The following CACNA1C variants were observed in gnomAD, a reference collection of about 807,000 sequenced individuals.
The protein encoded by CACNA1C is voltage-dependent L-type calcium channel subunit alpha-1C.
Under a neutral mutation model 229.0 loss-of-function variants are expected in CACNA1C, and 30 were observed. The observed-to-expected ratio is 0.13, with a 90% CI of 0.10 to 0.18. The LOEUF is 0.18. Ranked by LOEUF, CACNA1C falls within the 10% of genes least tolerant of loss-of-function variation. The pLI is 1.00. For missense variants in CACNA1C, 1,658 were observed against 2,845.0 expected, an observed-to-expected ratio of 0.58 and a Z score of 9.49; for synonymous variants, 1,114 against 1,132.5, an observed-to-expected ratio of 0.98 and a Z score of 0.33.
chr12:2,579,170 G>A (rs2059653505), intron 13 of CACNA1C, among the ~76,000 whole-genome samples: 1 of 152,266 alleles, frequency 6.6e-6, no homozygotes. Flanking sequence ...ATGGCTGTCA[G>A]ACATACCTGG....
intron 3 of CACNA1C, among the ~76,000 whole-genome samples, chr12:2,392,822 C>T (rs2154549076): frequency 6.6e-6 from 1 of 152,250 alleles, no homozygotes; most frequent in East Asian, 1.9e-4. Flanking sequence ...GGGCTGGCCC[C>T]ATCGCACATG....
chr12:2,207,567 T>C (rs1223548995), intron 3 of CACNA1C, among the ~76,000 whole-genome samples: 2 of 152,094 alleles, frequency 1.3e-5, no homozygotes, highest in African/African-American at 4.8e-5. Context: ...CCCAGTATTT[T>C]GGGAGGCTGA....
In CACNA1C at chr12:2,067,140, G is replaced by A. The variant is rs2059547508; in HGVS notation, c.49+13529G>A. 2.0e-5 allele frequency among the ~76,000 whole-genome samples: 3 copies of A among 152,168 alleles called. No individual in the cohort carries two copies. Among genetic ancestry groups the A allele is most frequent in the Admixed American group, 2.0e-4 (3 of 15,282 alleles). ...GCTGCTGACTAGGTCTGGGGGCAAA[G>A]GGTTCTAGCTCTGTAGGAGGCGTGC... On this transcript the variant is annotated intron_variant, in intron 1 of 46. Transcript: ENST00000399655. This position sits in a 1 kb window ranked among gnomAD's most constrained non-coding sequence, Gnocchi z 5.3.
chr12:2,647,530 G>A lies in CACNA1C; in HGVS notation c.3913-945G>A, dbSNP rs929481233. On this transcript the variant is annotated intron_variant, in intron 30 of 46. Transcript: ENST00000399655. This position sits in a 1 kb window ranked among gnomAD's most constrained non-coding sequence, Gnocchi z 4.2. Reference sequence around the variant, plus strand: ...TCATTATTTCATGCCAACGGTCAGGGCTCGCCGCACCTATAGACCAACAGC... The same window carrying A: ...TCATTATTTCATGCCAACGGTCAGGACTCGCCGCACCTATAGACCAACAGC... 6.6e-6 allele frequency among the ~76,000 whole-genome samples: 1 copy of A among 152,180 alleles called. No individual in the cohort carries two copies. The highest frequency in any genetic ancestry group is 2.4e-5 in the African/African-American group (1 of 41,424).
chr12:2,524,176 G>T (rs563642759), intron 9 of CACNA1C, among the ~76,000 whole-genome samples: 3 of 152,360 alleles, frequency 2.0e-5, no homozygotes, highest in Admixed American at 2.0e-4. Context: ...CAACACAGTG[G>T]CTAGTGTCTG....
intron 2 of CACNA1C, among the ~76,000 whole-genome samples, chr12:2,115,800 T>C (rs1206275846): frequency 6.6e-6 from 1 of 152,218 alleles, no homozygotes; most frequent in Non-Finnish European, 1.5e-5. Flanking sequence ...TGGGTTTTTG[T>C]TTTTTGTTTT....
At chr12:2,157,882 T>C (rs1190465916) in intron 3 of CACNA1C, among the ~76,000 whole-genome samples, 1 of 152,218 alleles carries the variant, frequency 6.6e-6, no homozygotes, top group East Asian at 1.9e-4. Flanking sequence ...AGATATTATA[T>C]CCTTGATACA....
chr12:2,128,364 C>T (rs551351055), intron 3 of CACNA1C, among the ~76,000 whole-genome samples: 2 of 152,222 alleles, frequency 1.3e-5, no homozygotes, highest in East Asian at 3.9e-4. Context: ...GGTTCTGTTG[C>T]AAAATAAATT....
At chr12:2,457,492 A>G (rs1448717085) in intron 4 of CACNA1C, 75 bp from the exon 5 acceptor site, 8 of 1,510,268 alleles carry the variant, frequency 5.3e-6, no homozygotes, top group Non-Finnish European at 7.2e-6. Context: ...TCCGGGCTGT[A>G]TCCAGAGGTC....
intron 3 of CACNA1C, among the ~76,000 whole-genome samples, chr12:2,375,675 C>T (rs1013231953): frequency 6.6e-6 from 1 of 152,198 alleles, no homozygotes; most frequent in East Asian, 1.9e-4. Context: ...CCTAAGGATG[C>T]TTATTATTGC....
At chr12:1,996,633 A>C (rs754489010) in intron 1 of CACNA1C, among the ~76,000 whole-genome samples, 3,744 of 115,834 alleles carry the variant, frequency 0.032, 217 homozygotes, top group Middle Eastern at 0.062. Flanking sequence ...AAAAAAAAAA[A>C]AAAAAAAAAA....
At chr12:2,598,785 C>T (rs1246214835) in intron 21 of CACNA1C, among the ~76,000 whole-genome samples, 1 of 152,180 alleles carries the variant, frequency 6.6e-6, no homozygotes, top group African/African-American at 2.4e-5. Context: ...ATGTGCCTTC[C>T]CCTGTGTCCT....
chr12:2,252,608 A>G (rs989236430), intron 3 of CACNA1C, among the ~76,000 whole-genome samples: 8 of 152,304 alleles, frequency 5.3e-5, no homozygotes, highest in African/African-American at 1.4e-4. Context: ...TTAAATGTCA[A>G]GGTTGCCTTT....
In CACNA1C at chr12:2,029,326, A is replaced by G. The variant is rs796259001; in HGVS notation, c.139+58125A>G. Among the ~76,000 whole-genome samples the G allele has an allele frequency of 1.4e-4, 21 of 152,280 alleles. No homozygotes were observed. The highest frequency in any genetic ancestry group is 4.8e-4 in the African/African-American group (20 of 41,556). On this transcript the variant is annotated intron_variant, in intron 1 of 46. Transcript: ENST00000682462. The surrounding 1 kb of genome is among the most constrained non-coding windows in gnomAD (Gnocchi z 4.9). ...ATAAAATTAACCTGTGTACAATGTG[A>G]AATCCAGAGCTATGTAACACATCCG...
chr12:2,150,814 T>C (rs2095177941), intron 3 of CACNA1C, among the ~76,000 whole-genome samples: 1 of 152,220 alleles, frequency 6.6e-6, no homozygotes, highest in African/African-American at 2.4e-5. Flanking sequence ...ACCGCTCTTA[T>C]TTTCTCACTC....
intron 1 of CACNA1C, among the ~76,000 whole-genome samples, chr12:2,085,696 C>A (rs1224347170): frequency 6.6e-6 from 1 of 152,168 alleles, no homozygotes; most frequent in Non-Finnish European, 1.5e-5. Context: ...GTACTCCTGG[C>A]CTGACTCCTT....
intron 3 of CACNA1C, among the ~76,000 whole-genome samples, chr12:2,388,367 C>T (rs2098429965): frequency 6.6e-6 from 1 of 152,182 alleles, no homozygotes; most frequent in African/African-American, 2.4e-5. Context: ...AGTTGATCAC[C>T]TTGGTTGTGG....
intron 3 of CACNA1C, among the ~76,000 whole-genome samples, chr12:2,424,549 T>C (rs1446026874): frequency 1.3e-5 from 2 of 152,184 alleles, no homozygotes; most frequent in Admixed American, 1.3e-4. Flanking sequence ...TAGGACACTT[T>C]GCAGAAAGCT....
chr12:2,443,614 G>A (rs991434323), intron 3 of CACNA1C, among the ~76,000 whole-genome samples: 1 of 152,118 alleles, frequency 6.6e-6, no homozygotes, highest in South Asian at 2.1e-4. Context: ...TGAATATTTG[G>A]TGCCTTCTCA....
Sources: allele counts gnomAD v4.1 joint callset (sites outside exome capture counted in the v4.1 genomes callset), GRCh38; gene constraint gnomAD v4.1.1; non-coding constraint Gnocchi (gnomAD v3.1); transcripts MANE v1.5; gene names NCBI Gene and HGNC (gene_info 2026-07-23, HGNC 2026-07-21).